MAP3K19: variants seen among roughly 807,000 people sequenced by gnomAD.
MAP3K19 encodes SPS1/STE20-related protein kinase YSK4.
A neutral mutation model predicts 114.4 loss-of-function variants in MAP3K19; 91 were observed. That is an observed-to-expected ratio of 0.80 (90% CI 0.67 to 0.95). MAP3K19 has a LOEUF of 0.95. MAP3K19 is among the 40% of genes least tolerant of loss of function. The pLI is 0.00. For synonymous variants in MAP3K19, 518 were observed against 530.5 expected, an observed-to-expected ratio of 0.98 and a Z score of 0.32; for missense variants, 1,471 against 1,573.2, an observed-to-expected ratio of 0.94 and a Z score of 1.10.
intron 5 of MAP3K19, among the ~76,000 whole-genome samples, chr2:135,020,641 G>A (rs1052198109): frequency 6.6e-6 from 1 of 152,156 alleles, no homozygotes; most frequent in Non-Finnish European, 1.5e-5. Context: ...ATCTTGAATT[G>A]TAATCCCCAC....
At chr2:134,976,397 A>C (rs1432610521) in intron 12 of MAP3K19, among the ~76,000 whole-genome samples, 1 of 152,114 alleles carries the variant, frequency 6.6e-6, no homozygotes, top group Admixed American at 6.5e-5. Flanking sequence ...AGGATCTCTC[A>C]CCCTTTCCCC....
chr2:134,964,948 G>C lies in MAP3K19; in HGVS notation c.3921-32C>G. On this transcript the variant is annotated intron_variant, in intron 12 of 12. Coordinates refer to ENST00000392915, the MANE Select transcript of MAP3K19 (RefSeq NM_025052.5). ...AGGGAAAAACACATTAGAAGCAGCA[G>C]CACTCAGTAATGAGACTGCCAATGT... 4 of 1,545,310 alleles carry C rather than the reference G, an allele frequency of 2.6e-6. No homozygotes were observed. In the South Asian group the frequency reaches 4.5e-5, roughly 18 times the overall value.
chr2:134,967,426 C>T (rs762262085), intron 12 of MAP3K19, among the ~76,000 whole-genome samples: 3 of 152,156 alleles, frequency 2.0e-5, no homozygotes, highest in African/African-American at 7.2e-5. Context: ...CCTGCCTGCC[C>T]GTGGGAACTG....
intron 5 of MAP3K19, among the ~76,000 whole-genome samples, chr2:135,015,661 G>A (rs113696425): frequency 0.061 from 9,333 of 152,062 alleles, 578 homozygotes; most frequent in African/African-American, 0.16. Flanking sequence ...TTAGGAGGCC[G>A]AGGTGGGTGG....
Position 134,973,500 on chromosome 2 carries a change from A to G in MAP3K19, c.3920+7321T>C, listed in dbSNP as rs112403344. Among the ~76,000 whole-genome samples, 775 of 152,280 alleles carry G rather than the reference A, an allele frequency of 5.1e-3. 6 individuals are homozygous for G. Among genetic ancestry groups the G allele is most frequent in the Non-Finnish European group, 8.4e-3 (571 of 68,014 alleles). On this transcript the variant is annotated intron_variant, in intron 12 of 12. Coordinates refer to ENST00000392915, the MANE Select transcript of MAP3K19 (RefSeq NM_025052.5). ...TTTTCCATCCTTTCACTTTCAGTCT[A>G]TATGTGTCTTTACAGGTAAAGTGAG...
chr2:134,983,915 T>C (rs1684902487), intron 10 of MAP3K19, 90 bp from the exon 11 acceptor site: 5 of 864,064 alleles, frequency 5.8e-6, no homozygotes, highest in African/African-American at 1.7e-5. Flanking sequence ...TCTTTTCAAA[T>C]GTTCCTGTCT....
chr2:135,040,833 T>C (rs1408600983), intron 1 of MAP3K19, among the ~76,000 whole-genome samples: 1 of 152,196 alleles, frequency 6.6e-6, no homozygotes, highest in Non-Finnish European at 1.5e-5. Flanking sequence ...CACAGTAGAA[T>C]GGAAACAGCA....
At chr2:135,046,566 A>T (rs765430266) in intron 1 of MAP3K19, among the ~76,000 whole-genome samples, 1 of 152,098 alleles carries the variant, frequency 6.6e-6, no homozygotes, top group Non-Finnish European at 1.5e-5. Context: ...ATGAGCCACC[A>T]TGCCCGCCCC....
chr2:135,017,517 C>T (rs1294997009), intron 5 of MAP3K19, among the ~76,000 whole-genome samples: 1 of 152,168 alleles, frequency 6.6e-6, no homozygotes. Flanking sequence ...CCAAATCTTC[C>T]TGCCTTCTGT....
chr2:135,011,593 GGTGGCTCACACCT>G (rs1687239235), intron 5 of MAP3K19, among the ~76,000 whole-genome samples: 1 of 151,628 alleles, frequency 6.6e-6, no homozygotes, highest in African/African-American at 2.4e-5. Context: ...GATCAGGCAC[GGTGGCTCACACCT>G]GTAATTCCTG....
chr2:134,980,792 T>C, intron 12 of MAP3K19, 29 bp downstream of exon 12: 1 of 1,592,268 alleles, frequency 6.3e-7, no homozygotes. Context: ...CGGGCATTTA[T>C]CTTCCTCCTC....
Position 134,987,723 on chromosome 2 carries a change from A to C in MAP3K19, c.1149T>G (p.Asp383Glu). 6.2e-7 allele frequency: 1 copy of C among 1,611,274 alleles called. No individual in the cohort carries two copies. Residue 383 changes from aspartate (D) to glutamate (E), a missense_variant, in exon 10 of 13, where the codon GAT (aspartate) becomes GAG (glutamate). Transcript: ENST00000392915. ...ESSVAKNYEQ[D>E]PEIVCTIPSK... Reference sequence around the variant, plus strand: ...TTGGAATGGTACATACTATTTCTGGATCTTGTTCATAGTTTTTGGCTACTG... The same window carrying C: ...TTGGAATGGTACATACTATTTCTGGCTCTTGTTCATAGTTTTTGGCTACTG...
At chr2:134,965,825 T>TA (rs1320706567) in intron 12 of MAP3K19, among the ~76,000 whole-genome samples, 1 of 152,194 alleles carries the variant, frequency 6.6e-6, no homozygotes, top group Non-Finnish European at 1.5e-5. Flanking sequence ...CATTAGAACT[T>TA]ACTCCTTCTA....
At position 134,986,789 on chromosome 2, in the gene MAP3K19, T is replaced by C; in HGVS notation, c.2083A>G (p.Arg695Gly). The change falls in exon 10 of 13, where the codon AGA becomes GGA. Residue 695 changes from arginine (R) to glycine (G), a missense_variant. Physicochemically the swap from Arg to Gly is moderately radical, Grantham distance 125. Transcript: ENST00000392915. ...GATCGACATTTATTGGTGATACGTCTGCCTGATGGAGCCGAACATATCTCA... is the reference window on the plus strand; with the variant it reads ...GATCGACATTTATTGGTGATACGTCCGCCTGATGGAGCCGAACATATCTCA... ...YREICSAPSG[R>G]RITNKCRSSH... is the part of the protein sequence containing the mutation. 6.2e-7 allele frequency: 1 copy of C among 1,614,202 alleles called. No homozygotes were observed. The highest frequency in any genetic ancestry group is 8.5e-7 in the Non-Finnish European group (1 of 1,180,032).
chr2:135,020,537 T>C (rs1025876162), intron 5 of MAP3K19, among the ~76,000 whole-genome samples: 1 of 152,160 alleles, frequency 6.6e-6, no homozygotes, highest in Non-Finnish European at 1.5e-5. Flanking sequence ...CCCATGCCAG[T>C]CCAGAACTCC....
rs549401211 is a variant in MAP3K19, at chr2:134,985,081, G to A, written c.3072+719C>T. Among the ~76,000 whole-genome samples, 64 of 152,344 alleles carry A rather than the reference G, an allele frequency of 4.2e-4. No homozygotes were observed. The Middle Eastern group carries it at 0.027, about 65-fold the overall frequency. On this transcript the variant is annotated intron_variant, in intron 10 of 12. Coordinates refer to ENST00000392915, the MANE Select transcript of MAP3K19 (RefSeq NM_025052.5). ...TAAAATTTCAGTTTGGGAGGCTTGT[G>A]TACTTTAGTGAAAACGATAACAAAG...
chr2:135,001,255 G>T (rs1418595262), intron 6 of MAP3K19, among the ~76,000 whole-genome samples: 1 of 152,046 alleles, frequency 6.6e-6, no homozygotes, highest in African/African-American at 2.4e-5. Context: ...AGCTAGCTTT[G>T]GTTTTCTTAA....
intron 10 of MAP3K19, among the ~76,000 whole-genome samples, chr2:134,985,451 T>A (rs1270848539): frequency 6.6e-6 from 1 of 152,238 alleles, no homozygotes; most frequent in Admixed American, 6.5e-5. Flanking sequence ...GTCTTGCCTA[T>A]AATTATGTAT....
chr2:135,024,536 A>ATTTT, intron 4 of MAP3K19, 90 bp downstream of exon 4: 1 of 1,183,926 alleles, frequency 8.4e-7, no homozygotes, highest in African/African-American at 1.5e-5. Context: ...ATTTCTTTAA[A>ATTTT]TGGATCCATC....
Sources: allele counts gnomAD v4.1 joint callset (sites outside exome capture counted in the v4.1 genomes callset), GRCh38; gene constraint gnomAD v4.1.1; transcripts MANE v1.5; gene names NCBI Gene and HGNC (gene_info 2026-07-23, HGNC 2026-07-21).